The following CNTNAP2 variants were observed in gnomAD, a reference collection of about 807,000 sequenced individuals.
CNTNAP2 encodes the protein contactin associated protein 2, also known as contactin-associated protein-like 2.
Under a neutral mutation model 155.2 loss-of-function variants are expected in CNTNAP2, and 98 were observed. That is an observed-to-expected ratio of 0.63 (90% CI 0.54 to 0.75). The LOEUF is 0.75. Ranked by LOEUF, CNTNAP2 falls within the 30% of genes least tolerant of loss-of-function variation. The probability of loss-of-function intolerance (pLI) is 0.00; values close to 1 mark genes in which losing one functional copy is unlikely to be tolerated. For missense variants in CNTNAP2, 1,727 were observed against 1,688.1 expected (o/e 1.02, Z -0.40); for synonymous variants, 651 against 631.2 (o/e 1.03, Z -0.47).
chr7:148,162,708 T>C (rs1235522440), intron 17 of CNTNAP2, among the ~76,000 whole-genome samples: 1 of 152,240 alleles, frequency 6.6e-6, no homozygotes, highest in African/African-American at 2.4e-5. Flanking sequence ...TTAGAGACAA[T>C]GGTCTGCCCA....
At chr7:148,383,951 T>C in intron 22 of CNTNAP2, 63 bp downstream of exon 22, 1 of 1,559,694 alleles carries the variant, frequency 6.4e-7, no homozygotes, top group South Asian at 1.2e-5. Context: ...CTCTTGGGAC[T>C]ATGGAATGGA....
chr7:147,826,525 G>A (rs1200866938), intron 13 of CNTNAP2, among the ~76,000 whole-genome samples: 2 of 152,110 alleles, frequency 1.3e-5, no homozygotes, highest in Non-Finnish European at 2.9e-5. Context: ...AAAGTAAAAA[G>A]CCATAGCACA....
intron 1 of CNTNAP2, among the ~76,000 whole-genome samples, chr7:146,223,268 A>G (rs1799238420): frequency 6.6e-6 from 1 of 152,188 alleles, no homozygotes. Flanking sequence ...TTTGGACAAG[A>G]GAGGAACTGA....
chr7:147,410,034 T>G (rs1353182961), intron 10 of CNTNAP2, among the ~76,000 whole-genome samples: 1 of 152,210 alleles, frequency 6.6e-6, no homozygotes, highest in Non-Finnish European at 1.5e-5. Context: ...ACCGTTTGAT[T>G]CAGCCATCCC....
intron 4 of CNTNAP2, among the ~76,000 whole-genome samples, chr7:147,092,789 T>C (rs547814768): frequency 7.9e-5 from 12 of 152,214 alleles, no homozygotes; most frequent in Non-Finnish European, 1.6e-4. Context: ...ATTGTTGATA[T>C]AGTGGTTAGT....
chr7:146,721,507 A>ATATACACATTCTATATATATTC (rs1801314042), intron 1 of CNTNAP2, among the ~76,000 whole-genome samples: 1 of 125,282 alleles, frequency 8.0e-6, no homozygotes, highest in Non-Finnish European at 1.6e-5. Flanking sequence ...TATATATTCT[A>ATATACACATTCTATATATATTC]TATATACATT....
intron 14 of CNTNAP2, among the ~76,000 whole-genome samples, chr7:147,970,051 TC>T (rs1476516879): frequency 6.6e-6 from 1 of 151,980 alleles, no homozygotes; most frequent in Non-Finnish European, 1.5e-5. Context: ...CACCTCAGCC[TC>T]CCAAGTAGCT....
intron 1 of CNTNAP2, among the ~76,000 whole-genome samples, chr7:146,746,995 A>T (rs1415914878): frequency 1.3e-5 from 2 of 152,168 alleles, no homozygotes; most frequent in African/African-American, 4.8e-5. Context: ...CAAAGAGTAT[A>T]AAGCTCTTGA....
At chr7:147,934,058 A>G (rs901781689) in intron 14 of CNTNAP2, among the ~76,000 whole-genome samples, 2 of 152,234 alleles carry the variant, frequency 1.3e-5, no homozygotes, top group Non-Finnish European at 2.9e-5. Flanking sequence ...GGGGCTGGCA[A>G]GAGGGGAATA....
At chr7:147,253,708 G>T (rs1035134377) in intron 8 of CNTNAP2, among the ~76,000 whole-genome samples, 3 of 152,176 alleles carry the variant, frequency 2.0e-5, no homozygotes, top group African/African-American at 7.2e-5. Context: ...GGTTAAAAGA[G>T]CCTTTCTTCC....
At chr7:146,410,547 T>C (rs1413422911) in intron 1 of CNTNAP2, among the ~76,000 whole-genome samples, 1 of 152,130 alleles carries the variant, frequency 6.6e-6, no homozygotes, top group Non-Finnish European at 1.5e-5. Context: ...AGGCTTGTTA[T>C]ATAGGTAAAC....
chr7:147,888,986 A>G (rs1799642912), intron 13 of CNTNAP2, among the ~76,000 whole-genome samples: 1 of 152,136 alleles, frequency 6.6e-6, no homozygotes, highest in African/African-American at 2.4e-5. Flanking sequence ...AACAAGATGA[A>G]GCTAAAAAAT....
intron 18 of CNTNAP2, among the ~76,000 whole-genome samples, chr7:148,208,993 T>C (rs989359053): frequency 1.3e-4 from 20 of 152,150 alleles, no homozygotes; most frequent in African/African-American, 4.8e-4. Context: ...CCCAGGGAAT[T>C]CTATCCATGC....
chr7:147,950,818 G>A (rs1800915866), intron 14 of CNTNAP2, among the ~76,000 whole-genome samples: 1 of 152,174 alleles, frequency 6.6e-6, no homozygotes, highest in Non-Finnish European at 1.5e-5. Flanking sequence ...TCCCTGTATT[G>A]GGAGGAAGAA....
chr7:147,004,727 A>T (rs1584778214), intron 3 of CNTNAP2, among the ~76,000 whole-genome samples: 2 of 152,168 alleles, frequency 1.3e-5, no homozygotes, highest in East Asian at 3.9e-4. Flanking sequence ...ACATATACTG[A>T]TCTAATTACT....
chr7:146,691,458 A>G lies in CNTNAP2; in HGVS notation c.98-82813A>G, dbSNP rs144326304. 1.1e-4 allele frequency among the ~76,000 whole-genome samples: 16 copies of G among 152,246 alleles called. No homozygotes were observed. The East Asian group carries it at 3.1e-3, about 29-fold the overall frequency. ...AGCAAAATTATCTAACACAAGTTCTATTATATAATAAAGCATTGAGTAGCT... is the reference window on the plus strand; with the variant it reads ...AGCAAAATTATCTAACACAAGTTCTGTTATATAATAAAGCATTGAGTAGCT... On this transcript the variant is annotated intron_variant, in intron 1 of 23. Coordinates refer to ENST00000361727, the MANE Select transcript of CNTNAP2 (RefSeq NM_014141.6).
intron 1 of CNTNAP2, among the ~76,000 whole-genome samples, chr7:146,157,658 C>T (rs1798148557): frequency 6.6e-6 from 1 of 152,078 alleles, no homozygotes; most frequent in East Asian, 1.9e-4. Context: ...GTCTGAGATC[C>T]AACTGCAAGG....
At chr7:147,165,443 C>T (rs1802097756) in intron 8 of CNTNAP2, among the ~76,000 whole-genome samples, 1 of 152,064 alleles carries the variant, frequency 6.6e-6, no homozygotes, top group African/African-American at 2.4e-5. Flanking sequence ...TTCTCCCAGT[C>T]TGTGGGTTGT....
At chr7:147,409,223 G>C (rs1475553351) in intron 10 of CNTNAP2, among the ~76,000 whole-genome samples, 1 of 152,078 alleles carries the variant, frequency 6.6e-6, no homozygotes, top group Admixed American at 6.6e-5. Context: ...TAAAATAGAG[G>C]CAGAATTGAG....
Sources: gnomAD v4.1 joint callset for allele counts (sites outside exome capture counted in the v4.1 genomes callset) on GRCh38, gnomAD v4.1.1 for gene constraint, MANE v1.5 for transcripts, NCBI Gene and HGNC (gene_info 2026-07-23, HGNC 2026-07-21) for gene names.